Variants in CCNE1 observed in about 807,000 individuals in gnomAD.
The protein encoded by CCNE1 is G1/S-specific cyclin-E1.
CCNE1 carries 8 observed loss-of-function variants against 54.1 expected under a neutral mutation model. The observed-to-expected ratio is 0.15, with a 90% CI of 0.09 to 0.27. The LOEUF (loss-of-function observed/expected upper bound fraction) is 0.27, where lower values mean the gene tolerates loss of function less well. Among genes scored for constraint, CCNE1 ranks in the 10% least tolerant of loss-of-function variants. The probability of loss-of-function intolerance (pLI) is 1.00; values close to 1 mark genes in which losing one functional copy is unlikely to be tolerated. For missense variants in CCNE1, 430 were observed against 514.9 expected, an observed-to-expected ratio of 0.84 and a Z score of 1.60; for synonymous variants, 179 against 185.2, an observed-to-expected ratio of 0.97 and a Z score of 0.27.
chr19:29,822,958 T>C (rs1444494836), intron 11 of CCNE1, among the ~76,000 whole-genome samples: 1 of 149,826 alleles, frequency 6.7e-6, no homozygotes, highest in Non-Finnish European at 1.5e-5. Flanking sequence ...AAAAAAAAAC[T>C]GCCTAAATAA....
intron 4 of CCNE1, among the ~76,000 whole-genome samples, chr19:29,816,527 G>T (rs2145720678): frequency 6.6e-6 from 1 of 152,154 alleles, no homozygotes; most frequent in Non-Finnish European, 1.5e-5. Context: ...CACTTGATTT[G>T]GTTTTAACTA....
In CCNE1 at chr19:29,818,258, C is replaced by A. The variant is rs548490510; in HGVS notation, c.462+717C>A. On this transcript the variant is annotated intron_variant, in intron 6 of 11. Coordinates refer to ENST00000262643, the MANE Select transcript of CCNE1 (RefSeq NM_001238.4). The stretch of plus-strand genomic sequence containing the variant: ...AGCCAGGATGGTCTCGATCTCCTGA[C>A]CTCGTGGTTTGCCCGCCTTGGCCTC... 1.2e-3 allele frequency among the ~76,000 whole-genome samples: 178 copies of A among 152,256 alleles called. 1 individual carries two copies. Among genetic ancestry groups the A allele is most frequent in the African/African-American group, 2.8e-3 (116 of 41,566 alleles).
At position 29,817,232 on chromosome 19, in the gene CCNE1, C is replaced by T; in HGVS notation, c.276C>T (p.Cys92=). 2 of 1,614,194 alleles carry T rather than the reference C, an allele frequency of 1.2e-6. No individual in the cohort carries two copies. Among genetic ancestry groups the T allele is most frequent in the South Asian group, 1.1e-5 (1 of 91,078 alleles). The stretch of plus-strand genomic sequence containing the variant: ...ACCGGGTTTACCCAAACTCAACGTG[C>T]AAGCCTCGGATTATTGCACCATCCA... ...DDDRVYPNST[C]KPRIIAPSRG... is the part of the protein sequence containing the mutation. Residue 92 remains cysteine, a synonymous_variant, in exon 5 of 12, where the codon TGC becomes TGT. Coordinates refer to ENST00000262643, the MANE Select transcript of CCNE1 (RefSeq NM_001238.4).
At chr19:29,818,549 T>G (rs1390681691) in intron 6 of CCNE1, among the ~76,000 whole-genome samples, 10 of 152,254 alleles carry the variant, frequency 6.6e-5, no homozygotes. Context: ...AACAAGCTTA[T>G]CTTAAACAGG....
chr19:29,812,600 C>A, intron 2 of CCNE1, 22 bp downstream of exon 2: 1 of 1,534,234 alleles, frequency 6.5e-7, no homozygotes. Flanking sequence ...CGCCGCGGGG[C>A]CGGACGGGAC....
chr19:29,821,090 G>T (rs1974136060), intron 7 of CCNE1, among the ~76,000 whole-genome samples: 1 of 151,950 alleles, frequency 6.6e-6, no homozygotes, highest in South Asian at 2.1e-4. Flanking sequence ...AAAAAAAAAT[G>T]AACTTTGAAC....
Position 29,817,267 on chromosome 19 carries a change from C to G in CCNE1, c.311C>G (p.Pro104Arg). The G allele has an allele frequency of 6.2e-7, 1 of 1,614,202 alleles. No individual in the cohort carries two copies. The highest frequency in any genetic ancestry group is 8.5e-7 in the Non-Finnish European group (1 of 1,180,046). ...PRIIAPSRGS[P>R]LPVLSWANRE... ...ATTATTGCACCATCCAGAGGCTCCC[C>G]GCTGCCTGTACTGAGGTCAGTGCCG... The change falls in exon 5 of 12, where the codon CCG becomes CGG. Residue 104 changes from proline (P) to arginine (R), a missense_variant. Physicochemically the swap from Pro to Arg is moderately radical, Grantham distance 103 (BLOSUM62 -2). This residue lies in a region of CCNE1 where 303 missense variants were observed against 401.1 expected (regional missense o/e 0.76). Coordinates refer to ENST00000262643, the MANE Select transcript of CCNE1 (RefSeq NM_001238.4).
chr19:29,812,703 G>A lies in CCNE1; in HGVS notation c.38G>A (p.Arg13Gln), dbSNP rs1244850159. The A allele has an allele frequency of 3.1e-6, 5 of 1,590,742 alleles. No individual in the cohort carries two copies. Among genetic ancestry groups the A allele is most frequent in the Non-Finnish European group, 4.3e-6 (5 of 1,170,808 alleles). The change falls in exon 3 of 12, where the codon CGG becomes CAG. Residue 13 changes from arginine to glutamine, a missense_variant. Physicochemically the swap from Arg to Gln is conservative, Grantham distance 43. Around this residue, in one of 2 missense-constraint regions of CCNE1, gnomAD observed 127 missense variants for 113.8 expected, o/e 1.12. Transcript: ENST00000262643. ...CGGGTCCACAGGGATGCGAAGGAGC[G>A]GGACACCATGAAGGAGGACGGCGGC... ...RERRERDAKE[R>Q]DTMKEDGGAE...
intron 2 of CCNE1, 35 bp from the exon 3 acceptor site, chr19:29,812,654 G>A (rs755771630): frequency 2.6e-6 from 4 of 1,564,430 alleles, no homozygotes; most frequent in Non-Finnish European, 3.5e-6. Context: ...GCGGCCGCGG[G>A]TGCTCACCCG....
At position 29,823,916 on chromosome 19, in the gene CCNE1, GA is replaced by G; in HGVS notation, c.*140del. On this transcript the variant is annotated 3_prime_UTR_variant, in exon 12 of 12. Coordinates refer to ENST00000262643, the MANE Select transcript of CCNE1 (RefSeq NM_001238.4). ...CTTCCACAACAGAAGTATTTCTGTG[GA>G]TGGCATCAAACAGGGCAAAGTGTTT... is the stretch of plus-strand genomic sequence containing the variant. The G allele has an allele frequency of 8.9e-6, 9 of 1,009,662 alleles. No homozygotes were observed. The highest frequency in any genetic ancestry group is 2.0e-5 in the South Asian group (1 of 51,068). 62.5% of individuals were successfully genotyped at this position (1,009,662 alleles called of 1,614,324 possible). A position where few individuals can be genotyped will look rare whatever the true frequency, so the allele number is the denominator to read the frequency against.
chr19:29,820,481 T>C (rs946844250), intron 6 of CCNE1, among the ~76,000 whole-genome samples: 4 of 151,906 alleles, frequency 2.6e-5, no homozygotes, highest in Non-Finnish European at 5.9e-5. Flanking sequence ...AGCCTGGAAG[T>C]TGGAGGTTGC....
At chr19:29,821,964 C>G (rs1974158260) in intron 8 of CCNE1, 32 bp from the exon 9 acceptor site, 3 of 1,594,892 alleles carry the variant, frequency 1.9e-6, no homozygotes, top group Non-Finnish European at 2.6e-6. Context: ...TTTTCTCAAT[C>G]ATCGGTCTCT....
chr19:29,820,197 T>C (rs1275686891), intron 6 of CCNE1, among the ~76,000 whole-genome samples: 1 of 152,176 alleles, frequency 6.6e-6, no homozygotes, highest in African/African-American at 2.4e-5. Context: ...GGCAAGGGGA[T>C]GATTCACATC....
In CCNE1 at chr19:29,815,362, C is replaced by T. The variant is rs116107391; in HGVS notation, c.181-1775C>T. ...TGGTACTAGAACTGAAAGGAAGCAG[C>T]CTTGCTCGCACAGCTGTTGGCAGGA... On this transcript the variant is annotated intron_variant, in intron 4 of 11. Coordinates refer to ENST00000262643, the MANE Select transcript of CCNE1 (RefSeq NM_001238.4). Among the ~76,000 whole-genome samples the T allele has an allele frequency of 1.4e-3, 216 of 152,336 alleles. 1 individual carries two copies. Among genetic ancestry groups the T allele is most frequent in the African/African-American group, 5.1e-3 (212 of 41,568 alleles).
At chr19:29,816,267 T>C (rs541572447) in intron 4 of CCNE1, among the ~76,000 whole-genome samples, 3 of 151,832 alleles carry the variant, frequency 2.0e-5, no homozygotes, top group Non-Finnish European at 4.4e-5. Context: ...ACTTTAAAAA[T>C]CAAACAGACT....
At chr19:29,813,426 G>A (rs926639853) in intron 4 of CCNE1, 4 of 189,426 alleles carry the variant, frequency 2.1e-5, no homozygotes, top group Admixed American at 5.6e-5. Context: ...TGTAAAAGCT[G>A]GTGAACTGGG....
intron 6 of CCNE1, among the ~76,000 whole-genome samples, chr19:29,818,965 G>A (rs1282426054): frequency 2.6e-5 from 4 of 152,096 alleles, no homozygotes; most frequent in African/African-American, 4.8e-5. Flanking sequence ...TTTCCTCCAT[G>A]TTGGTCAGGC....
At position 29,824,118 on chromosome 19, in the gene CCNE1, G is replaced by T; in HGVS notation, c.*341G>T. The T allele has an allele frequency of 3.5e-6, 1 of 285,686 alleles. No individual in the cohort carries two copies. The highest frequency in any genetic ancestry group is 6.6e-6 in the Non-Finnish European group (1 of 151,732). 17.7% of individuals were successfully genotyped at this position (285,686 alleles called of 1,614,324 possible). A position where few individuals can be genotyped will look rare whatever the true frequency, so the allele number is the denominator to read the frequency against. ...CCACGGTGGCGTGGCTCTCCTCGCA[G>T]GTGTTCTGGGCTCCGTTGTACCAAG... On this transcript the variant is annotated 3_prime_UTR_variant, in exon 12 of 12. Coordinates refer to ENST00000262643, the MANE Select transcript of CCNE1 (RefSeq NM_001238.4).
At position 29,823,636 on chromosome 19, in the gene CCNE1, C is replaced by T. The variant is rs540867715; in HGVS notation, c.1111-19C>T. On this transcript the variant is annotated intron_variant, in intron 11 of 11. Coordinates refer to ENST00000262643, the MANE Select transcript of CCNE1 (RefSeq NM_001238.4). ...TATGTTCTACTCTAATGTGTTGTCC[C>T]TTTTATTCTTACCAACAGGACAAAG... 6.2e-7 allele frequency: 1 copy of T among 1,612,366 alleles called. No homozygotes were observed. The highest frequency in any genetic ancestry group is 1.3e-5 in the African/African-American group (1 of 74,988).
Sources: gnomAD v4.1 joint callset for allele counts (sites outside exome capture counted in the v4.1 genomes callset) on GRCh38, gnomAD v4.1.1 for gene constraint, gnomAD v4.1.1 regional missense constraint, MANE v1.5 for transcripts, NCBI Gene and HGNC (gene_info 2026-07-23, HGNC 2026-07-21) for gene names.